The following PCCA variants were observed in gnomAD, a reference collection of about 807,000 sequenced individuals.
The protein encoded by PCCA is propionyl-CoA carboxylase alpha chain, mitochondrial.
A neutral mutation model predicts 101.3 loss-of-function variants in PCCA; 74 were observed. The ratio of observed to expected loss-of-function variants is 0.73; its 90% CI spans 0.61 to 0.89. The LOEUF (loss-of-function observed/expected upper bound fraction) is 0.89, where lower values mean the gene tolerates loss of function less well. PCCA is among the 40% of genes least tolerant of loss of function. The pLI, the probability that PCCA is intolerant of heterozygous loss-of-function variation, is 0.00. For missense variants in PCCA, 891 were observed against 907.0 expected (o/e 0.98, Z 0.23); for synonymous variants, 294 against 313.6 (o/e 0.94, Z 0.66).
chr13:100,502,398 G>A (rs1431332608), intron 21 of PCCA, among the ~76,000 whole-genome samples: 2 of 152,284 alleles, frequency 1.3e-5, no homozygotes, highest in African/African-American at 4.8e-5. Context: ...TTAACCAAGA[G>A]GAGAGCAGAG....
chr13:100,148,793 G>A (rs907347484), intron 4 of PCCA, among the ~76,000 whole-genome samples: 1 of 152,146 alleles, frequency 6.6e-6, no homozygotes. Flanking sequence ...CAGGATTGTA[G>A]AAAATGGGCT....
chr13:100,422,070 T>TTTCTTTCTTTCTTTATTTCTTTC (rs10668689), intron 19 of PCCA, among the ~76,000 whole-genome samples: 42 of 110,704 alleles, frequency 3.8e-4, no homozygotes, highest in African/African-American at 1.4e-3. Flanking sequence ...TTCTCTTTTC[T>TTTCTTTCTTTCTTTATTTCTTTC]TTTCTTTCTT....
At chr13:100,503,731 C>CT (rs2085861147) in intron 21 of PCCA, among the ~76,000 whole-genome samples, 1 of 152,072 alleles carries the variant, frequency 6.6e-6, no homozygotes. Context: ...TGGCAAAACT[C>CT]TGTCTTTACA....
At chr13:100,215,627 ATTTT>A (rs1323721980) in intron 7 of PCCA, among the ~76,000 whole-genome samples, 1 of 151,940 alleles carries the variant, frequency 6.6e-6, no homozygotes, top group East Asian at 1.9e-4. Flanking sequence ...ACTTTATTTT[ATTTT>A]TTATTTTTAT....
At chr13:100,187,121 C>A (rs145859678) in intron 6 of PCCA, among the ~76,000 whole-genome samples, 114 of 152,292 alleles carry the variant, frequency 7.5e-4, no homozygotes, top group Non-Finnish European at 1.5e-3. Context: ...TATACTGATA[C>A]AGGATTTGGC....
intron 20 of PCCA, among the ~76,000 whole-genome samples, chr13:100,429,870 G>T (rs983073114): frequency 1.6e-4 from 25 of 151,780 alleles, no homozygotes; most frequent in Admixed American, 1.2e-3. Flanking sequence ...GCCTCCTAAA[G>T]TGCTGGGATT....
intron 22 of PCCA, among the ~76,000 whole-genome samples, chr13:100,524,235 T>G (rs2087536967): frequency 6.6e-6 from 1 of 152,242 alleles, no homozygotes; most frequent in South Asian, 2.1e-4. Context: ...GAGCACGCCC[T>G]CGAGTGTCAG....
At chr13:100,443,225 G>A (rs2080510716) in intron 20 of PCCA, among the ~76,000 whole-genome samples, 1 of 152,034 alleles carries the variant, frequency 6.6e-6, no homozygotes, top group South Asian at 2.1e-4. Flanking sequence ...AAATAGTTGG[G>A]GGAAAAAATT....
At chr13:100,461,582 A>C (rs1192662252) in intron 21 of PCCA, among the ~76,000 whole-genome samples, 2 of 152,192 alleles carry the variant, frequency 1.3e-5, no homozygotes, top group Admixed American at 1.3e-4. Flanking sequence ...GCAGTCCCTC[A>C]ACTGACATGT....
intron 12 of PCCA, among the ~76,000 whole-genome samples, chr13:100,297,051 G>A (rs1055024424): frequency 1.3e-5 from 2 of 152,056 alleles, no homozygotes; most frequent in African/African-American, 4.8e-5. Flanking sequence ...ACTCATTTTA[G>A]GTTTGCCTCT....
At chr13:100,476,549 C>T (rs1414819209) in intron 21 of PCCA, among the ~76,000 whole-genome samples, 1 of 152,158 alleles carries the variant, frequency 6.6e-6, no homozygotes, top group Non-Finnish European at 1.5e-5. Flanking sequence ...TGTCCACCCC[C>T]CACCCTTAGT....
chr13:100,182,266 T>A (rs1819298884), intron 6 of PCCA, among the ~76,000 whole-genome samples: 1 of 151,888 alleles, frequency 6.6e-6, no homozygotes, highest in Non-Finnish European at 1.5e-5. Flanking sequence ...CTGGCTCATT[T>A]TTGTATTTTT....
Position 100,111,239 on chromosome 13 carries a change from G to A in PCCA, c.184-602G>A, listed in dbSNP as rs188700701. ...GTAGAGACAGGGTTTCACCATATTG[G>A]TCAGGATGGTCTCGATCTCCTGACC... is the stretch of plus-strand genomic sequence containing the variant. On this transcript the variant is annotated intron_variant, in intron 2 of 23. Coordinates refer to ENST00000376285, the MANE Select transcript of PCCA (RefSeq NM_000282.4). Among the ~76,000 whole-genome samples, 21 of 134,400 alleles carry A rather than the reference G, an allele frequency of 1.6e-4. No individual in the cohort carries two copies. In the East Asian group the frequency reaches 4.5e-3, roughly 29 times the overall value. The allele number at this position is 134,400 out of a possible 152,430, so 88.2% of individuals were successfully genotyped here.
intron 6 of PCCA, among the ~76,000 whole-genome samples, chr13:100,201,863 A>C (rs1373469357): frequency 5.0e-5 from 1 of 19,980 alleles, no homozygotes; most frequent in Non-Finnish European, 8.3e-5. Flanking sequence ...GTCTCAAAAA[A>C]AAAAAAAAAA....
intron 6 of PCCA, among the ~76,000 whole-genome samples, chr13:100,203,414 G>A (rs1378243069): frequency 6.6e-6 from 1 of 152,130 alleles, no homozygotes; most frequent in Admixed American, 6.5e-5. Context: ...TTGGGGCCAG[G>A]CATGGTGGCT....
intron 8 of PCCA, among the ~76,000 whole-genome samples, chr13:100,247,758 C>T (rs1001801359): frequency 9.3e-5 from 14 of 150,610 alleles, no homozygotes; most frequent in South Asian, 2.1e-4. Flanking sequence ...TTAAGTAATC[C>T]GCCCACCTCG....
At chr13:100,171,568 G>T (rs2055646085) in intron 6 of PCCA, among the ~76,000 whole-genome samples, 1 of 152,266 alleles carries the variant, frequency 6.6e-6, no homozygotes, top group East Asian at 1.9e-4. Flanking sequence ...AATTCCTGTT[G>T]CTTACCACTT....
rs561081868 is a variant in PCCA, at chr13:100,517,194, G to A, written c.2040+1627G>A. Among the ~76,000 whole-genome samples, 9 of 152,210 alleles carry A rather than the reference G, an allele frequency of 5.9e-5. No individual in the cohort carries two copies. The East Asian group carries it at 1.7e-3, about 29-fold the overall frequency. On this transcript the variant is annotated intron_variant, in intron 22 of 23. Coordinates refer to ENST00000376285, the MANE Select transcript of PCCA (RefSeq NM_000282.4). ...GGGAGACCACTCCTGCCTCAAGCCT[G>A]GAGGGCAAGAGGGTGAGACTGCAGC...
At chr13:100,433,687 A>G (rs746230747) in intron 20 of PCCA, among the ~76,000 whole-genome samples, 1 of 152,184 alleles carries the variant, frequency 6.6e-6, no homozygotes, top group Non-Finnish European at 1.5e-5. Flanking sequence ...CTCCTCTCTA[A>G]ACTCAGTTTG....
Sources: gnomAD v4.1 joint callset for allele counts (sites outside exome capture counted in the v4.1 genomes callset) on GRCh38, gnomAD v4.1.1 for gene constraint, MANE v1.5 for transcripts, NCBI Gene and HGNC (gene_info 2026-07-23, HGNC 2026-07-21) for gene names.